Variants in C6 observed in about 807,000 individuals in gnomAD.
The protein encoded by C6 is complement component C6.
C6 carries 101 observed loss-of-function variants against 112.9 expected under a neutral mutation model. The observed-to-expected ratio is 0.89, with a 90% CI of 0.76 to 1.06. C6 has a LOEUF of 1.06. C6 is among the 50% of genes least tolerant of loss of function. C6 has a pLI of 0.00. For missense variants in C6, 1,202 were observed against 1,104.6 expected, an observed-to-expected ratio of 1.09 and a Z score of -1.25; for synonymous variants, 431 against 384.1, an observed-to-expected ratio of 1.12 and a Z score of -1.43.
chr5:41,196,967 T>C (rs192591502), intron 4 of C6, among the ~76,000 whole-genome samples: 230 of 152,252 alleles, frequency 1.5e-3, no homozygotes, highest in African/African-American at 5.4e-3. Context: ...TGTTGGCATC[T>C]GTACCAGTAT....
At chr5:41,162,221 G>A (rs1184068125) in intron 9 of C6, among the ~76,000 whole-genome samples, 3 of 152,152 alleles carry the variant, frequency 2.0e-5, no homozygotes, top group African/African-American at 7.2e-5. Flanking sequence ...GGACTAGGAT[G>A]CAAATATAGC....
intron 1 of C6, among the ~76,000 whole-genome samples, chr5:41,221,793 AG>A (rs1415491722): frequency 1.3e-5 from 2 of 152,224 alleles, no homozygotes; most frequent in Non-Finnish European, 2.9e-5. Flanking sequence ...AAAACAAAAA[AG>A]TATCAACAAT....
At chr5:41,173,317 A>T (rs898215690) in intron 8 of C6, among the ~76,000 whole-genome samples, 1 of 151,906 alleles carries the variant, frequency 6.6e-6, no homozygotes, top group Non-Finnish European at 1.5e-5. Context: ...CATCTGAACC[A>T]CTCCCACCAC....
rs978483793 is a variant in C6, at chr5:41,159,459, C to T, written c.1685-206G>A. ...CCTTTTAGACTTTGTTCCCATAAGC[C>T]TAAATAAAATGGCAACAAATGGCAA... On this transcript the variant is annotated intron_variant, in intron 11 of 17. Coordinates refer to ENST00000337836, the MANE Select transcript of C6 (RefSeq NM_000065.5). 1.6e-5 allele frequency: 16 copies of T among 985,078 alleles called. No individual in the cohort carries two copies. The African/African-American group carries it at 2.8e-4, about 17-fold the overall frequency. The allele number at this position is 985,078 out of a possible 1,614,324, so 61.0% of individuals were successfully genotyped here.
chr5:41,215,302 G>T (rs944537323), upstream of C6, among the ~76,000 whole-genome samples: 5 of 152,120 alleles, frequency 3.3e-5, no homozygotes, highest in African/African-American at 1.2e-4. Context: ...GCAACCCAGA[G>T]AGAAATATTT....
At position 41,158,829 on chromosome 5, in the gene C6, A is replaced by C. The variant is rs1180450908; in HGVS notation, c.1857-44T>G. The C allele has an allele frequency of 7.8e-6, 9 of 1,149,264 alleles. No homozygotes were observed. In the Admixed American group the frequency reaches 1.4e-4, roughly 17 times the overall value. The allele number at this position is 1,149,264 out of a possible 1,614,324, so 71.2% of individuals were successfully genotyped here. A position where few individuals can be genotyped will look rare whatever the true frequency, so the allele number is the denominator to read the frequency against. ...TATGTGTGTATATGTATGTATGTAC[A>C]CACATTTACATGTGTGTATATGCTT... On this transcript the variant is annotated intron_variant, in intron 12 of 17. Coordinates refer to ENST00000337836, the MANE Select transcript of C6 (RefSeq NM_000065.5).
intron 4 of C6, among the ~76,000 whole-genome samples, chr5:41,199,178 C>G (rs1007318047): frequency 1.3e-5 from 2 of 152,082 alleles, no homozygotes; most frequent in African/African-American, 4.8e-5. Flanking sequence ...GTTATAAATA[C>G]TTTACTTTTC....
chr5:41,184,343 G>A (rs1020814636), intron 6 of C6, among the ~76,000 whole-genome samples: 3 of 152,074 alleles, frequency 2.0e-5, no homozygotes, highest in Non-Finnish European at 1.5e-5. Context: ...TACTACAAAT[G>A]TCTCATCTAA....
intron 1 of C6, among the ~76,000 whole-genome samples, chr5:41,259,166 C>T (rs2962286): frequency 0.64 from 96,666 of 152,036 alleles, 31,396 homozygotes; most frequent in South Asian, 0.72. Context: ...GGGGATCTTG[C>T]TCTAATGTAC....
intron 9 of C6, among the ~76,000 whole-genome samples, chr5:41,171,439 G>T (rs75515445): frequency 6.4e-4 from 97 of 152,282 alleles, no homozygotes; most frequent in African/African-American, 2.3e-3. Flanking sequence ...TAAAGGCTAT[G>T]CTATTAGATA....
rs776730554 is a variant in C6 at position 41,195,799 on chromosome 5, C to T, written c.580G>A (p.Gly194Ser). The T allele has an allele frequency of 6.2e-7, 1 of 1,613,726 alleles. No homozygotes were observed. Residue 194 changes from glycine (G) to serine (S), a missense_variant, in exon 5 of 18, where the codon GGC becomes AGC. Gly to Ser is a moderately conservative substitution (Grantham distance 56). Coordinates refer to ENST00000337836, the MANE Select transcript of C6 (RefSeq NM_000065.5). ...YNPIPSVQLM[G>S]NGFHFLAGEP... is the part of the protein sequence containing the mutation. ...TAAAAAGATGTTACATACCCATTGC[C>T]CATCAACTGTACACTAGGGATGGGA...
chr5:41,143,514 G>T (rs1234295990), intron 17 of C6, among the ~76,000 whole-genome samples: 2 of 152,156 alleles, frequency 1.3e-5, no homozygotes, highest in African/African-American at 4.8e-5. Flanking sequence ...CATTTGTAGA[G>T]CATGTACTGT....
At chr5:41,210,584 G>C (rs953760193) in intron 1 of C6, among the ~76,000 whole-genome samples, 1 of 151,964 alleles carries the variant, frequency 6.6e-6, no homozygotes, top group Admixed American at 6.6e-5. Context: ...TGACATTTGA[G>C]AAATGTCTTC....
rs112697869 is a variant in C6, at chr5:41,156,433, G to C, written c.1969-1329C>G. 3.9e-5 allele frequency among the ~76,000 whole-genome samples: 6 copies of C among 152,252 alleles called. 1 individual carries two copies. Among genetic ancestry groups the C allele is most frequent in the African/African-American group, 1.4e-4 (6 of 41,564 alleles). ...TCCTTTAGTGGCAACTCCACAACCA[G>C]ATCTCTGTCTCATAAATCTTTACAC... On this transcript the variant is annotated intron_variant, in intron 13 of 17. Transcript: ENST00000337836.
intron 6 of C6, among the ~76,000 whole-genome samples, chr5:41,181,900 T>A (rs1197916390): frequency 6.6e-6 from 1 of 152,176 alleles, no homozygotes; most frequent in African/African-American, 2.4e-5. Flanking sequence ...TGAAGGTTAT[T>A]TTTAGCATGT....
intron 1 of C6, among the ~76,000 whole-genome samples, chr5:41,241,041 G>A (rs2150425506): frequency 6.6e-6 from 1 of 152,330 alleles, no homozygotes; most frequent in African/African-American, 2.4e-5. Flanking sequence ...CGCAGGAGTG[G>A]TGGTGGTGCC....
At chr5:41,196,254 T>G (rs530132413) in intron 4 of C6, among the ~76,000 whole-genome samples, 33 of 152,040 alleles carry the variant, frequency 2.2e-4, no homozygotes, top group African/African-American at 8.0e-4. Flanking sequence ...AGGTTCAGAA[T>G]TTTGTTTTGA....
At chr5:41,211,126 C>G (rs1183749660) in intron 1 of C6, among the ~76,000 whole-genome samples, 1 of 152,076 alleles carries the variant, frequency 6.6e-6, no homozygotes, top group African/African-American at 2.4e-5. Flanking sequence ...TTTGAGCAAA[C>G]TATCACAAGG....
upstream of C6, among the ~76,000 whole-genome samples, chr5:41,217,777 C>G (rs1752245072): frequency 6.6e-6 from 1 of 151,926 alleles, no homozygotes; most frequent in Non-Finnish European, 1.5e-5. Context: ...TATACAGAAA[C>G]TTAGGTTGGA....
Sources: allele counts gnomAD v4.1 joint callset (sites outside exome capture counted in the v4.1 genomes callset), GRCh38; gene constraint gnomAD v4.1.1; transcripts MANE v1.5; gene names NCBI Gene and HGNC (gene_info 2026-07-23, HGNC 2026-07-21).